UBE2E2: variants seen among roughly 807,000 people sequenced by gnomAD.
UBE2E2 encodes ubiquitin conjugating enzyme E2 E2, also known as ubiquitin-conjugating enzyme E2 E2.
UBE2E2 carries 6 observed loss-of-function variants against 24.7 expected under a neutral mutation model. The observed-to-expected ratio is 0.24, with a 90% CI of 0.13 to 0.48. UBE2E2 has a LOEUF of 0.48. Ranked by LOEUF, UBE2E2 falls within the 20% of genes least tolerant of loss-of-function variation. The pLI, the probability that UBE2E2 is intolerant of heterozygous loss-of-function variation, is 0.99. For missense variants in UBE2E2, 169 were observed against 245.0 expected (o/e 0.69, Z 2.07); for synonymous variants, 104 against 83.6 (o/e 1.24, Z -1.33).
chr3:23,404,982 A>G (rs1248789790), intron 3 of UBE2E2, among the ~76,000 whole-genome samples: 1 of 152,228 alleles, frequency 6.6e-6, no homozygotes, highest in Non-Finnish European at 1.5e-5. Context: ...TTTGGCTTAT[A>G]TACTTTGACT....
chr3:23,500,083 G>A (rs1227189464), intron 4 of UBE2E2, among the ~76,000 whole-genome samples: 14 of 152,224 alleles, frequency 9.2e-5, no homozygotes, highest in Admixed American at 3.3e-4. Flanking sequence ...AAAATCAGAC[G>A]TAGCCTGGAG....
intron 3 of UBE2E2, among the ~76,000 whole-genome samples, chr3:23,443,984 T>G (rs1381654708): frequency 6.6e-6 from 1 of 151,368 alleles, no homozygotes; most frequent in Non-Finnish European, 1.5e-5. Flanking sequence ...CAAATTACAG[T>G]CCCTTCTGCT....
intron 3 of UBE2E2, among the ~76,000 whole-genome samples, chr3:23,454,388 T>G (rs541929036): frequency 5.2e-4 from 79 of 152,312 alleles, no homozygotes; most frequent in Admixed American, 1.3e-3. Flanking sequence ...ATCCATATTT[T>G]AAAAGCTGAG....
At chr3:23,567,490 T>TG (rs1176571153) in intron 5 of UBE2E2, among the ~76,000 whole-genome samples, 2 of 152,184 alleles carry the variant, frequency 1.3e-5, no homozygotes, top group Non-Finnish European at 2.9e-5. Flanking sequence ...AAGAAGGTCA[T>TG]GGGGAATCTG....
At chr3:23,517,031 C>T (rs1163601564) in intron 4 of UBE2E2, among the ~76,000 whole-genome samples, 1 of 151,684 alleles carries the variant, frequency 6.6e-6, no homozygotes, top group East Asian at 1.9e-4. Context: ...AAACACTGAC[C>T]AATACAGGCC....
At chr3:23,441,353 T>C (rs1292383077) in intron 3 of UBE2E2, among the ~76,000 whole-genome samples, 5 of 134,998 alleles carry the variant, frequency 3.7e-5, no homozygotes, top group Non-Finnish European at 6.2e-5. Context: ...TGAAACCACG[T>C]CTCTACTAAA....
chr3:23,240,229 G>A (rs1697221814), intron 3 of UBE2E2, among the ~76,000 whole-genome samples: 1 of 151,952 alleles, frequency 6.6e-6, no homozygotes, highest in Non-Finnish European at 1.5e-5. Flanking sequence ...CCTTCCTTTC[G>A]CCCAATTTTA....
chr3:23,257,829 A>G (rs1445740370), intron 3 of UBE2E2, among the ~76,000 whole-genome samples: 1 of 151,798 alleles, frequency 6.6e-6, no homozygotes, highest in East Asian at 1.9e-4. Context: ...TACTCTCACA[A>G]TCCTATAGGA....
intron 3 of UBE2E2, among the ~76,000 whole-genome samples, chr3:23,432,121 C>A (rs939178228): frequency 1.3e-5 from 2 of 152,092 alleles, no homozygotes; most frequent in Non-Finnish European, 2.9e-5. Flanking sequence ...ATTTCTCTTT[C>A]TATGTTTTGT....
Position 23,567,009 on chromosome 3 carries a change from C to T in UBE2E2, c.509-22725C>T, listed in dbSNP as rs114689973. On this transcript the variant is annotated intron_variant, in intron 5 of 5. Transcript: ENST00000396703. ...GCTCAAGAAAGTGAACTTGACTGTG[C>T]CTGGTCTCTCACAAATTTCCAGACC... 1.9e-3 allele frequency among the ~76,000 whole-genome samples: 288 copies of T among 152,226 alleles called. 1 individual carries two copies. The highest frequency in any genetic ancestry group is 3.1e-3 in the Non-Finnish European group (208 of 68,030).
rs75886813 is a variant in UBE2E2, at chr3:23,236,790, C to G, written c.227+19478C>G. Among the ~76,000 whole-genome samples, 13 of 152,170 alleles carry G rather than the reference C, an allele frequency of 8.5e-5. No homozygotes were observed. The East Asian group carries it at 2.5e-3, about 29-fold the overall frequency. On this transcript the variant is annotated intron_variant, in intron 3 of 5. Transcript: ENST00000396703. The stretch of plus-strand genomic sequence containing the variant: ...AAACATTTCCTGTGGATGTGTGGAC[C>G]GCCTGTCTCTCTATCTCTTCATGAC...
At chr3:23,486,850 C>T (rs944031884) in intron 3 of UBE2E2, among the ~76,000 whole-genome samples, 3 of 152,170 alleles carry the variant, frequency 2.0e-5, no homozygotes, top group African/African-American at 7.2e-5. Flanking sequence ...GGCTAAAAGG[C>T]GTCAATGAAG....
intron 3 of UBE2E2, among the ~76,000 whole-genome samples, chr3:23,323,293 A>G (rs1694794214): frequency 6.6e-6 from 1 of 152,138 alleles, no homozygotes; most frequent in African/African-American, 2.4e-5. Context: ...ATTTGCTCCT[A>G]TAGTTACCCA....
chr3:23,490,723 TATG>T (rs1263474737), intron 3 of UBE2E2, among the ~76,000 whole-genome samples: 7 of 152,080 alleles, frequency 4.6e-5, no homozygotes, highest in Non-Finnish European at 8.8e-5. Context: ...AAGGAAGTAT[TATG>T]ATGATTAAGT....
At chr3:23,234,466 A>C (rs368303353) in intron 3 of UBE2E2, among the ~76,000 whole-genome samples, 4 of 152,344 alleles carry the variant, frequency 2.6e-5, no homozygotes, top group South Asian at 4.1e-4. Context: ...CAGCCCCATC[A>C]GCTGGGAATC....
At chr3:23,210,172 C>T (rs1335705096) in intron 2 of UBE2E2, among the ~76,000 whole-genome samples, 3 of 152,024 alleles carry the variant, frequency 2.0e-5, no homozygotes, top group Middle Eastern at 3.4e-3. Context: ...AGAAGGAAGT[C>T]GATGTAGGTG....
intron 3 of UBE2E2, among the ~76,000 whole-genome samples, chr3:23,290,819 C>G (rs1245591613): frequency 6.8e-6 from 1 of 147,690 alleles, no homozygotes; most frequent in Non-Finnish European, 1.5e-5. Context: ...TCTGGGGAGG[C>G]CAAGGTGGGA....
At chr3:23,533,101 C>T (rs1195341277) in intron 5 of UBE2E2, among the ~76,000 whole-genome samples, 5 of 152,218 alleles carry the variant, frequency 3.3e-5, no homozygotes, top group African/African-American at 9.6e-5. Flanking sequence ...CCAGGCAGCA[C>T]CATGCAGACG....
chr3:23,298,616 C>G (rs972782330), intron 3 of UBE2E2, among the ~76,000 whole-genome samples: 2 of 151,732 alleles, frequency 1.3e-5, no homozygotes, highest in Non-Finnish European at 2.9e-5. Flanking sequence ...ATTGAACCAG[C>G]CTTGCATCCC....
Sources: gnomAD v4.1 joint callset for allele counts (sites outside exome capture counted in the v4.1 genomes callset) on GRCh38, gnomAD v4.1.1 for gene constraint, MANE v1.5 for transcripts, NCBI Gene and HGNC (gene_info 2026-07-23, HGNC 2026-07-21) for gene names.